Variants in ANXA4 observed in about 807,000 individuals in gnomAD.
The protein encoded by ANXA4 is 35-beta calcimedin.
A neutral mutation model predicts 49.8 loss-of-function variants in ANXA4; 39 were observed. That is an observed-to-expected ratio of 0.78 (90% CI 0.61 to 1.02). ANXA4 has a LOEUF of 1.02. ANXA4 is among the 50% of genes least tolerant of loss of function. The pLI is 0.00. For missense variants in ANXA4, 360 were observed against 410.1 expected (o/e 0.88, Z 1.05); for synonymous variants, 134 against 152.5 (o/e 0.88, Z 0.89).
intron 1 of ANXA4, among the ~76,000 whole-genome samples, chr2:69,650,651 T>G (rs7568057): frequency 0.51 from 76,764 of 151,960 alleles, 21,535 homozygotes; most frequent in East Asian, 0.81. Context: ...ACAGGGTGTT[T>G]CTATGTTGCC....
At chr2:69,792,551 C>T (rs1048589811) in intron 3 of ANXA4, among the ~76,000 whole-genome samples, 2 of 151,846 alleles carry the variant, frequency 1.3e-5, no homozygotes, top group African/African-American at 4.8e-5. Context: ...CATATAATGC[C>T]CTTTTGCATT....
rs1677976457 is a variant in ANXA4, at chr2:69,691,681, A to G, written n.767-29093A>G. 2.0e-5 allele frequency among the ~76,000 whole-genome samples: 3 copies of G among 152,138 alleles called. No homozygotes were observed. In the South Asian group the frequency reaches 6.2e-4, roughly 31 times the overall value. On this transcript the variant is annotated intron_variant and non_coding_transcript_variant, in intron 2 of 3. Transcript: ENST00000418066. Reference sequence around the variant, plus strand: ...CCATTGAAACCCAGAGAGCTGTGGAACACAATTAGAAAAGGCCTGGGACAG... The same window carrying G: ...CCATTGAAACCCAGAGAGCTGTGGAGCACAATTAGAAAAGGCCTGGGACAG...
intron 3 of ANXA4, among the ~76,000 whole-genome samples, chr2:69,793,702 C>A (rs534934363): frequency 1.3e-5 from 2 of 152,194 alleles, no homozygotes; most frequent in Admixed American, 1.3e-4. Context: ...TATTTATTCA[C>A]CTTTAATTCC....
At chr2:69,727,431 A>G (rs1474163252) in intron 3 of ANXA4, among the ~76,000 whole-genome samples, 1 of 152,006 alleles carries the variant, frequency 6.6e-6, no homozygotes, top group Non-Finnish European at 1.5e-5. Flanking sequence ...AGTCTTTTTC[A>G]TTTTGGACAT....
Position 69,807,961 on chromosome 2 carries a change from A to G in ANXA4, c.362A>G (p.Glu121Gly). The G allele has an allele frequency of 6.2e-7, 1 of 1,614,158 alleles. No individual in the cohort carries two copies. Among genetic ancestry groups the G allele is most frequent in the South Asian group, 1.1e-5 (1 of 91,082 alleles). The change falls in exon 6 of 13, where the codon GAG becomes GGG. Residue 121 changes from glutamate (E) to glycine (G), a missense_variant. By Grantham distance (98) the Glu-to-Gly change is moderately conservative. Transcript: ENST00000394295. ...GAGATCCTGGCCTCCCGGACCCCTGAGGAGATCCGGCGCATAAGCCAAACC... is the reference window on the plus strand; with the variant it reads ...GAGATCCTGGCCTCCCGGACCCCTGGGGAGATCCGGCGCATAAGCCAAACC... The part of the protein sequence containing the change: ...LIEILASRTP[E>G]EIRRISQTYQ...
At chr2:69,716,308 AAAGTC>A (rs1210119668) in intron 2 of ANXA4, among the ~76,000 whole-genome samples, 1 of 152,176 alleles carries the variant, frequency 6.6e-6, no homozygotes, top group African/African-American at 2.4e-5. Context: ...TCTGTCCCTT[AAAGTC>A]AAGAGTCCTG....
intron 3 of ANXA4, among the ~76,000 whole-genome samples, chr2:69,799,395 C>T (rs1172212790): frequency 2.0e-5 from 3 of 152,146 alleles, no homozygotes; most frequent in Admixed American, 1.3e-4. Context: ...CAGGAGACTT[C>T]CACCCCTTCT....
At chr2:69,648,922 G>GT (rs1392481131) in intron 1 of ANXA4, among the ~76,000 whole-genome samples, 3 of 78,476 alleles carry the variant, frequency 3.8e-5, no homozygotes, top group African/African-American at 1.8e-4. Flanking sequence ...GTTTTGCTCT[G>GT]TTACCCAGGC....
chr2:69,690,245 A>G (rs1006320945), intron 2 of ANXA4, among the ~76,000 whole-genome samples: 1 of 151,958 alleles, frequency 6.6e-6, no homozygotes, highest in Non-Finnish European at 1.5e-5. Flanking sequence ...TTGTTTATTT[A>G]TTTATTTATT....
At chr2:69,787,089 A>G (rs1672448601) in intron 2 of ANXA4, among the ~76,000 whole-genome samples, 2 of 152,186 alleles carry the variant, frequency 1.3e-5, no homozygotes, top group African/African-American at 4.8e-5. Context: ...AGCAAACCCA[A>G]GACATCTCAT....
upstream of ANXA4, among the ~76,000 whole-genome samples, chr2:69,738,280 CA>C (rs909371353): frequency 3.9e-5 from 6 of 152,124 alleles, no homozygotes; most frequent in African/African-American, 7.2e-5. Flanking sequence ...TAAATGATTA[CA>C]TCTCTTCAGG....
At chr2:69,663,856 G>T (rs1214310864) in intron 2 of ANXA4, among the ~76,000 whole-genome samples, 1 of 152,158 alleles carries the variant, frequency 6.6e-6, no homozygotes, top group Non-Finnish European at 1.5e-5. Context: ...AGATTAGAAA[G>T]CCAGCCCTGG....
chr2:69,687,398 G>A (rs1176583296), intron 2 of ANXA4, among the ~76,000 whole-genome samples: 1 of 151,938 alleles, frequency 6.6e-6, no homozygotes, highest in African/African-American at 2.4e-5. Flanking sequence ...GTCCCAGCTA[G>A]TCAGGAGGCT....
At chr2:69,784,067 A>G (rs1177906239) in intron 2 of ANXA4, among the ~76,000 whole-genome samples, 1 of 152,012 alleles carries the variant, frequency 6.6e-6, no homozygotes, top group Non-Finnish European at 1.5e-5. Context: ...TATGGCACCT[A>G]TTTCTATCTA....
At chr2:69,724,738 C>CTGGGGCAAGAAAGAAAGATAAGG (rs1669913118) in intron 3 of ANXA4, among the ~76,000 whole-genome samples, 1 of 152,114 alleles carries the variant, frequency 6.6e-6, no homozygotes, top group Admixed American at 6.5e-5. Context: ...GAAAGATAAG[C>CTGGGGCAAGAAAGAAAGATAAGG]TGGGGCAAGA....
intron 2 of ANXA4, among the ~76,000 whole-genome samples, chr2:69,717,398 A>C (rs1343580258): frequency 6.6e-6 from 1 of 151,854 alleles, no homozygotes; most frequent in Non-Finnish European, 1.5e-5. Flanking sequence ...CCTGGCGCCC[A>C]CCCTTTAATT....
rs1158594702 is a variant in ANXA4, at chr2:69,778,770, T to A, written c.-46-2750T>A. On this transcript the variant is annotated intron_variant, in intron 1 of 12. Coordinates refer to ENST00000394295, the MANE Select transcript of ANXA4 (RefSeq NM_001153.5). Reference sequence around the variant, plus strand: ...AGCCTGGGCAACGAGAGTGAAACTCTGTCTCAAAAAAAAAAAAAAAAAAAA... The same window carrying A: ...AGCCTGGGCAACGAGAGTGAAACTCAGTCTCAAAAAAAAAAAAAAAAAAAA... 9.3e-5 allele frequency among the ~76,000 whole-genome samples: 9 copies of A among 96,300 alleles called. No homozygotes were observed. The Admixed American group carries it at 1.3e-3, about 14-fold the overall frequency. The allele number at this position is 96,300 out of a possible 152,430, so 63.2% of individuals were successfully genotyped here.
chr2:69,800,579 C>T (rs114000453), intron 3 of ANXA4, among the ~76,000 whole-genome samples: 112 of 152,222 alleles, frequency 7.4e-4, no homozygotes, highest in Middle Eastern at 3.4e-3. Flanking sequence ...CACTGGGGTT[C>T]AAAGAGAAGA....
chr2:69,739,644 G>A (rs146145224), upstream of ANXA4, among the ~76,000 whole-genome samples: 2 of 151,622 alleles, frequency 1.3e-5, no homozygotes, highest in Non-Finnish European at 2.9e-5. Context: ...GGCTGATCTC[G>A]AACTCCTGAC....
Sources: allele counts gnomAD v4.1 joint callset (sites outside exome capture counted in the v4.1 genomes callset), GRCh38; gene constraint gnomAD v4.1.1; transcripts MANE v1.5; gene names NCBI Gene and HGNC (gene_info 2026-07-23, HGNC 2026-07-21).